The following STAMBP variants were observed in gnomAD, a reference collection of about 807,000 sequenced individuals.
STAMBP encodes the protein STAM binding protein, also known as STAM-binding protein.
A neutral mutation model predicts 50.7 loss-of-function variants in STAMBP; 31 were observed. The observed-to-expected ratio is 0.61, with a 90% CI of 0.46 to 0.83. STAMBP has a LOEUF of 0.83. STAMBP is among the 40% of genes least tolerant of loss of function. The pLI is 0.00. For missense variants in STAMBP, 472 were observed against 518.9 expected (o/e 0.91, Z 0.88); for synonymous variants, 211 against 192.4 (o/e 1.10, Z -0.80).
chr2:73,847,443 G>A lies in STAMBP; in HGVS notation c.432G>A (p.Lys144=). The change falls in exon 5 of 10, where the codon AAG becomes AAA. Residue 144 remains lysine (K), a synonymous_variant. Coordinates refer to ENST00000394070, the MANE Select transcript of STAMBP (RefSeq NM_213622.4). ...RNMAIQQELE[K]EKQRVAQQKQ... Reference sequence around the variant, plus strand: ...TGGCCATCCAGCAAGAGCTGGAAAAGGAAAAACAGAGGGTAGCACAACAGA... The same window carrying A: ...TGGCCATCCAGCAAGAGCTGGAAAAAGAAAAACAGAGGGTAGCACAACAGA... The A allele has an allele frequency of 6.2e-7, 1 of 1,613,860 alleles. No homozygotes were observed. Among genetic ancestry groups the A allele is most frequent in the Non-Finnish European group, 8.5e-7 (1 of 1,179,824 alleles).
chr2:73,842,349 G>T (rs1256071040), intron 2 of STAMBP, among the ~76,000 whole-genome samples: 6 of 152,200 alleles, frequency 3.9e-5, no homozygotes, highest in Non-Finnish European at 7.3e-5. Flanking sequence ...CACATTAGGT[G>T]AACTGGCATG....
chr2:73,840,727 G>T (rs187078830), intron 2 of STAMBP, among the ~76,000 whole-genome samples: 24 of 146,646 alleles, frequency 1.6e-4, no homozygotes, highest in Admixed American at 1.4e-3. Context: ...CAGGGCGGCA[G>T]AGCAAGACTC....
chr2:73,844,343 C>G (rs945412713), intron 2 of STAMBP, among the ~76,000 whole-genome samples: 1 of 152,098 alleles, frequency 6.6e-6, no homozygotes, highest in Non-Finnish European at 1.5e-5. Flanking sequence ...GAACACGAAT[C>G]CCAAAGGAAA....
chr2:73,844,989 T>A, intron 3 of STAMBP, 101 bp downstream of exon 3: 1 of 1,532,978 alleles, frequency 6.5e-7, no homozygotes, highest in South Asian at 1.3e-5. Flanking sequence ...TACCAGATCC[T>A]GCAATAGGAG....
At chr2:73,842,185 G>A (rs182070242) in intron 2 of STAMBP, among the ~76,000 whole-genome samples, 24 of 152,198 alleles carry the variant, frequency 1.6e-4, no homozygotes, top group African/African-American at 5.3e-4. Flanking sequence ...AAATAATGTC[G>A]TTTTGTCCAA....
downstream of STAMBP, among the ~76,000 whole-genome samples, chr2:73,868,173 T>A (rs1056282721): frequency 1.3e-5 from 2 of 151,880 alleles, no homozygotes; most frequent in African/African-American, 4.8e-5. Flanking sequence ...TAAGTCATTT[T>A]TATGAGCACA....
intron 2 of STAMBP, among the ~76,000 whole-genome samples, chr2:73,836,275 T>C (rs1674703283): frequency 6.6e-6 from 1 of 152,166 alleles, no homozygotes; most frequent in South Asian, 2.1e-4. Flanking sequence ...CGTCGGAACC[T>C]CCGAATGGGG....
At chr2:73,841,296 A>G (rs191832254) in intron 2 of STAMBP, among the ~76,000 whole-genome samples, 1 of 152,304 alleles carries the variant, frequency 6.6e-6, no homozygotes, top group East Asian at 1.9e-4. Flanking sequence ...ATAAGTAAAG[A>G]AAAAACTCCC....
Position 73,850,376 on chromosome 2 carries a change from A to T in STAMBP, c.868A>T (p.Met290Leu). 1 of 1,607,040 alleles carries T rather than the reference A, an allele frequency of 6.2e-7. No homozygotes were observed. The highest frequency in any genetic ancestry group is 1.3e-5 in the African/African-American group (1 of 74,800). ...GACCAGCTGTTTTCTCCTTTGGCAGATGAGGAATGAATTTACCATTACCCA... is the reference window on the plus strand; with the variant it reads ...GACCAGCTGTTTTCTCCTTTGGCAGTTGAGGAATGAATTTACCATTACCCA... The part of the protein sequence containing the change: ...ETCGILCGKL[M>L]RNEFTITHVL... Residue 290 changes from methionine to leucine, a missense_variant and splice_region_variant, in exon 7 of 10, where the codon ATG becomes TTG. Coordinates refer to ENST00000394070, the MANE Select transcript of STAMBP (RefSeq NM_213622.4). This position sits in a 1 kb window ranked among gnomAD's most constrained non-coding sequence, Gnocchi z 4.3.
intron 4 of STAMBP, among the ~76,000 whole-genome samples, chr2:73,845,638 T>C (rs1675964224): frequency 1.3e-5 from 2 of 151,564 alleles, no homozygotes; most frequent in Admixed American, 1.3e-4. Flanking sequence ...AAGCTATTTT[T>C]TTTTTTTTTT....
At chr2:73,847,971 ATAT>A (rs1233837040) in intron 5 of STAMBP, among the ~76,000 whole-genome samples, 2 of 152,216 alleles carry the variant, frequency 1.3e-5, no homozygotes, top group African/African-American at 2.4e-5. Context: ...TGAAGAGCTA[ATAT>A]TATTCTTGAA....
rs1345119778 is a variant in STAMBP, at chr2:73,866,717, G to A, written c.*4458G>A. On this transcript the variant is annotated 3_prime_UTR_variant, in exon 10 of 10. Coordinates refer to ENST00000394070, the MANE Select transcript of STAMBP (RefSeq NM_213622.4). ...TCCTGGCCAACAGCGAATTTAATGG[G>A]TGGTCAAAAGAAGATGTGCCTGCAT... The A allele has an allele frequency of 6.6e-6, 1 of 152,322 alleles. No homozygotes were observed. Among genetic ancestry groups the A allele is most frequent in the Non-Finnish European group, 1.5e-5 (1 of 68,134 alleles). 9.4% of individuals were successfully genotyped at this position (152,322 alleles called of 1,614,324 possible). A position where few individuals can be genotyped will look rare whatever the true frequency, so the allele number is the denominator to read the frequency against.
At chr2:73,860,489 C>G in intron 9 of STAMBP, 1 of 895,880 alleles carries the variant, frequency 1.1e-6, no homozygotes. Context: ...CAGTTGCTGG[C>G]TTATTAAATG....
intron 4 of STAMBP, among the ~76,000 whole-genome samples, chr2:73,847,067 A>G (rs1676188560): frequency 6.7e-6 from 1 of 148,908 alleles, no homozygotes; most frequent in African/African-American, 2.5e-5. Flanking sequence ...GGGAAACAGA[A>G]TGAGACCCTG....
At chr2:73,868,001 G>A (rs1679028570), downstream of STAMBP, among the ~76,000 whole-genome samples, 1 of 152,100 alleles carries the variant, frequency 6.6e-6, no homozygotes, top group Admixed American at 6.5e-5. Context: ...GCACACGCCT[G>A]TAATCCCAGC....
rs1558606402 is a variant in STAMBP at position 73,866,800 on chromosome 2, A to G, written c.*4541A>G. On this transcript the variant is annotated 3_prime_UTR_variant, in exon 10 of 10. Coordinates refer to ENST00000394070, the MANE Select transcript of STAMBP (RefSeq NM_213622.4). ...GAGACAAGGAGATAGTGACACCAGT[A>G]TCTTGTCACAGAAATCAAGGAAGGC... The G allele has an allele frequency of 6.6e-6, 1 of 152,290 alleles. No homozygotes were observed. The highest frequency in any genetic ancestry group is 1.5e-5 in the Non-Finnish European group (1 of 68,070). The allele number at this position is 152,290 out of a possible 1,614,324, so 9.4% of individuals were successfully genotyped here.
Position 73,864,354 on chromosome 2 carries a change from T to A in STAMBP, c.*2095T>A, listed in dbSNP as rs538417716. 1 of 152,242 alleles carries A rather than the reference T, an allele frequency of 6.6e-6. No homozygotes were observed. Among genetic ancestry groups the A allele is most frequent in the African/African-American group, 2.4e-5 (1 of 41,468 alleles). The allele number at this position is 152,242 out of a possible 1,614,324, so 9.4% of individuals were successfully genotyped here. A position where few individuals can be genotyped will look rare whatever the true frequency, so the allele number is the denominator to read the frequency against. ...TTTCTCTTCCTCTAGGCACAAGATA[T>A]CTTAGTGGCTAGATGGGTGCAGGAA... On this transcript the variant is annotated 3_prime_UTR_variant, in exon 10 of 10. Coordinates refer to ENST00000394070, the MANE Select transcript of STAMBP (RefSeq NM_213622.4).
At chr2:73,856,083 C>T (rs1013678936) in intron 7 of STAMBP, among the ~76,000 whole-genome samples, 2 of 152,160 alleles carry the variant, frequency 1.3e-5, no homozygotes, top group African/African-American at 4.8e-5. Context: ...AAAATATGTG[C>T]TTAATAAAAC....
At chr2:73,843,964 G>A (rs116355062) in intron 2 of STAMBP, among the ~76,000 whole-genome samples, 171 of 152,270 alleles carry the variant, frequency 1.1e-3, no homozygotes, top group African/African-American at 3.0e-3. Context: ...TCCAGAATCC[G>A]TATGGAAGAA....
Sources: gnomAD v4.1 joint callset for allele counts (sites outside exome capture counted in the v4.1 genomes callset) on GRCh38, gnomAD v4.1.1 for gene constraint, Gnocchi (gnomAD v3.1) non-coding constraint, MANE v1.5 for transcripts, NCBI Gene and HGNC (gene_info 2026-07-23, HGNC 2026-07-21) for gene names.